The following THSD7B variants were observed in gnomAD, a reference collection of about 807,000 sequenced individuals.
THSD7B encodes thrombospondin type-1 domain-containing protein 7B.
A neutral mutation model predicts 213.6 loss-of-function variants in THSD7B; 138 were observed. The ratio of observed to expected loss-of-function variants is 0.65; its 90% CI spans 0.56 to 0.74. The LOEUF (loss-of-function observed/expected upper bound fraction) is 0.74, where lower values mean the gene tolerates loss of function less well. Among genes scored for constraint, THSD7B ranks in the 30% least tolerant of loss-of-function variants. The pLI, the probability that THSD7B is intolerant of heterozygous loss-of-function variation, is 0.00. For synonymous variants in THSD7B, 742 were observed against 687.0 expected (o/e 1.08, Z -1.25); for missense variants, 1,931 against 1,991.5 (o/e 0.97, Z 0.58).
At chr2:137,670,920 CAAAAAAAAAAAAAAAAAAAAA>C (rs530737012) in intron 27 of THSD7B, among the ~76,000 whole-genome samples, 1 of 102,840 alleles carries the variant, frequency 9.7e-6, no homozygotes, top group African/African-American at 3.8e-5. Flanking sequence ...GACTCCGCCT[CAAAAAAAAAAAAAAAAAAAAA>C]AAAAAAAAAA....
chr2:137,459,458 G>A (rs953634609), intron 15 of THSD7B, among the ~76,000 whole-genome samples: 2 of 152,100 alleles, frequency 1.3e-5, no homozygotes, highest in African/African-American at 4.8e-5. Context: ...CTGAGGTCAG[G>A]AGTTCGAGAC....
At chr2:137,238,608 C>T (rs944664382) in intron 9 of THSD7B, among the ~76,000 whole-genome samples, 6 of 122,012 alleles carry the variant, frequency 4.9e-5, no homozygotes, top group Non-Finnish European at 9.6e-5. Flanking sequence ...CTGCGGACTG[C>T]AGTGGCGCAA....
chr2:137,513,796 GGCA>G (rs1680015761), intron 15 of THSD7B, among the ~76,000 whole-genome samples: 4 of 152,190 alleles, frequency 2.6e-5, no homozygotes, highest in Admixed American at 2.6e-4. Flanking sequence ...TTGTGGATGA[GGCA>G]GCAGTGGAAG....
At chr2:136,945,581 AT>A (rs1363679221) in intron 2 of THSD7B, among the ~76,000 whole-genome samples, 4 of 151,932 alleles carry the variant, frequency 2.6e-5, no homozygotes, top group African/African-American at 9.7e-5. Flanking sequence ...GCTTGTTTCT[AT>A]TCTCCCAGTC....
chr2:137,154,402 TA>T (rs754927453), intron 5 of THSD7B, among the ~76,000 whole-genome samples: 1 of 152,140 alleles, frequency 6.6e-6, no homozygotes, highest in Non-Finnish European at 1.5e-5. Flanking sequence ...TAGATATATT[TA>T]AAAACAAGAA....
chr2:137,032,535 C>G (rs998849306), intron 2 of THSD7B, among the ~76,000 whole-genome samples: 1 of 152,080 alleles, frequency 6.6e-6, no homozygotes, highest in African/African-American at 2.4e-5. Context: ...TTCTCTCCCT[C>G]TCTCTCTCAG....
intron 26 of THSD7B, among the ~76,000 whole-genome samples, chr2:137,665,814 G>A (rs1161525961): frequency 6.6e-6 from 1 of 152,122 alleles, no homozygotes; most frequent in East Asian, 1.9e-4. Flanking sequence ...GGGATACTAA[G>A]AAGAGGTAGA....
rs143378291 is a variant in THSD7B, at chr2:137,329,369, C to G, written c.2500+53343C>G. Among the ~76,000 whole-genome samples the G allele has an allele frequency of 2.2e-3, 333 of 152,184 alleles. 2 individuals carry two copies. The highest frequency in any genetic ancestry group is 7.1e-3 in the African/African-American group (295 of 41,506). ...TTAGGGTATCTGGTAGAAGAAATTTCTTTGTTTGTTTGTTGAGACAGAGTC... is the reference window on the plus strand; with the variant it reads ...TTAGGGTATCTGGTAGAAGAAATTTGTTTGTTTGTTTGTTGAGACAGAGTC... On this transcript the variant is annotated intron_variant, in intron 12 of 27. Transcript: ENST00000409968.
At position 136,823,749 on chromosome 2, in the gene THSD7B, G is replaced by A. The variant is rs16836815; in HGVS notation, c.-36+58062G>A. 6.3e-3 allele frequency among the ~76,000 whole-genome samples: 950 copies of A among 151,974 alleles called. 7 individuals are homozygous for A. Among genetic ancestry groups the A allele is most frequent in the African/African-American group, 0.022 (894 of 41,436 alleles). On this transcript the variant is annotated intron_variant, in intron 1 of 27. Transcript: ENST00000409968. ...TTCTTGGGATTTAGATTGTATTATCGTGTAGTTGCTTCTAACAGTATATAC... is the reference window on the plus strand; with the variant it reads ...TTCTTGGGATTTAGATTGTATTATCATGTAGTTGCTTCTAACAGTATATAC...
chr2:137,075,671 A>G (rs1687605942), intron 3 of THSD7B, among the ~76,000 whole-genome samples: 1 of 152,080 alleles, frequency 6.6e-6, no homozygotes, highest in South Asian at 2.1e-4. Context: ...TCTGATTTTT[A>G]GAGTTTCCAG....
chr2:137,038,180 TG>T (rs536853262), intron 2 of THSD7B, among the ~76,000 whole-genome samples: 1 of 152,232 alleles, frequency 6.6e-6, no homozygotes, highest in Non-Finnish European at 1.5e-5. Flanking sequence ...AGTTGTTGTA[TG>T]TTCCTTTTAC....
chr2:136,813,940 T>A (rs1315781015), intron 1 of THSD7B, among the ~76,000 whole-genome samples: 3 of 152,218 alleles, frequency 2.0e-5, no homozygotes, highest in Non-Finnish European at 4.4e-5. Context: ...CTCAGCAAAG[T>A]AGCACAGTGA....
intron 2 of THSD7B, among the ~76,000 whole-genome samples, chr2:136,986,785 C>G (rs1228271269): frequency 6.6e-6 from 1 of 152,132 alleles, no homozygotes; most frequent in Non-Finnish European, 1.5e-5. Context: ...TCAAGTGTAC[C>G]TTTGTAAACT....
intron 14 of THSD7B, among the ~76,000 whole-genome samples, chr2:137,417,724 C>A (rs1558790661): frequency 6.6e-6 from 1 of 152,158 alleles, no homozygotes; most frequent in Non-Finnish European, 1.5e-5. Context: ...TGAGCCACTG[C>A]AACTGACCTA....
At chr2:137,621,262 A>G (rs892917092) in intron 20 of THSD7B, among the ~76,000 whole-genome samples, 1 of 152,188 alleles carries the variant, frequency 6.6e-6, no homozygotes, top group Admixed American at 6.5e-5. Context: ...CTGGGTTGGA[A>G]GCAGCATACA....
At chr2:137,068,874 A>G (rs1049640944) in intron 3 of THSD7B, among the ~76,000 whole-genome samples, 27 of 152,132 alleles carry the variant, frequency 1.8e-4, no homozygotes, top group Middle Eastern at 3.4e-3. Context: ...TACTTCTATA[A>G]TGTAAACTCC....
chr2:136,945,970 C>T (rs1431601674), intron 2 of THSD7B, among the ~76,000 whole-genome samples: 1 of 152,174 alleles, frequency 6.6e-6, no homozygotes, highest in Non-Finnish European at 1.5e-5. Flanking sequence ...GTCAGCTTGT[C>T]GAAGTCATTC....
chr2:137,611,009 TA>T (rs1225195180), intron 17 of THSD7B, among the ~76,000 whole-genome samples: 1 of 145,792 alleles, frequency 6.9e-6, no homozygotes, highest in East Asian at 2.0e-4. Flanking sequence ...TAATAATAAA[TA>T]AAAAATAAAA....
intron 15 of THSD7B, among the ~76,000 whole-genome samples, chr2:137,472,256 G>T (rs1173686505): frequency 6.6e-6 from 1 of 152,100 alleles, no homozygotes; most frequent in South Asian, 2.1e-4. Flanking sequence ...CATCTAAAAA[G>T]CCTTTTAAGA....
Sources: gnomAD v4.1 joint callset for allele counts (sites outside exome capture counted in the v4.1 genomes callset) on GRCh38, gnomAD v4.1.1 for gene constraint, MANE v1.5 for transcripts, NCBI Gene and HGNC (gene_info 2026-07-23, HGNC 2026-07-21) for gene names.